DOP1A: variants seen among roughly 807,000 people sequenced by gnomAD.
The protein encoded by DOP1A is DOP1 leucine zipper like protein A.
Under a neutral mutation model 267.6 loss-of-function variants are expected in DOP1A, and 90 were observed. The ratio of observed to expected loss-of-function variants is 0.34; its 90% CI spans 0.28 to 0.40. The LOEUF (loss-of-function observed/expected upper bound fraction) is 0.40, where lower values mean the gene tolerates loss of function less well. Ranked by LOEUF, DOP1A falls within the 10% of genes least tolerant of loss-of-function variation. The probability of loss-of-function intolerance (pLI) is 1.00; values close to 1 mark genes in which losing one functional copy is unlikely to be tolerated. For synonymous variants in DOP1A, 932 were observed against 999.1 expected, an observed-to-expected ratio of 0.93 and a Z score of 1.27; for missense variants, 2,437 against 2,900.4, an observed-to-expected ratio of 0.84 and a Z score of 3.67.
intron 27 of DOP1A, among the ~76,000 whole-genome samples, chr6:83,150,838 ATACACAAATAATTAG>A (rs1305415368): frequency 1.3e-5 from 2 of 152,192 alleles, no homozygotes; most frequent in African/African-American, 4.8e-5. Flanking sequence ...ACATAGAAAA[ATACACAAATAATTAG>A]TACACAACTC....
chr6:83,130,620 A>G (rs1583042077), intron 17 of DOP1A, among the ~76,000 whole-genome samples: 1 of 152,184 alleles, frequency 6.6e-6, no homozygotes, highest in African/African-American at 2.4e-5. Flanking sequence ...AGGATAAAGG[A>G]GTAGGAATAT....
At chr6:83,097,820 G>C (rs747923597) in intron 3 of DOP1A, among the ~76,000 whole-genome samples, 1 of 151,388 alleles carries the variant, frequency 6.6e-6, no homozygotes, top group Non-Finnish European at 1.5e-5. Context: ...CATAGGAAAG[G>C]AGTGGCCTTC....
intron 20 of DOP1A, among the ~76,000 whole-genome samples, 153 bp downstream of exon 20, chr6:83,136,031 C>A (rs1778817711): frequency 6.6e-6 from 1 of 152,116 alleles, no homozygotes; most frequent in Non-Finnish European, 1.5e-5. Context: ...GCTGTGTGGA[C>A]CATGTCAGAA....
rs116107328 is a variant in DOP1A, at chr6:83,163,100, T to C, written c.7092+181T>C. ...ATATTTCCAGACATTAGAAAACATA[T>C]CGTATGTATTTTAAAGGAATATGCG... On this transcript the variant is annotated intron_variant, in intron 38 of 38. Coordinates refer to ENST00000349129, the MANE Select transcript of DOP1A (RefSeq NM_015018.4). Among the ~76,000 whole-genome samples, 704 of 152,222 alleles carry C rather than the reference T, an allele frequency of 4.6e-3. 6 individuals carry two copies. The highest frequency in any genetic ancestry group is 0.016 in the African/African-American group (650 of 41,532).
Position 83,148,662 on chromosome 6 carries a change from G to A in DOP1A, c.5733-97G>A, listed in dbSNP as rs1454923708. On this transcript the variant is annotated intron_variant, in intron 26 of 38. Transcript: ENST00000349129. ...AAAATGTAAAGTTTTTAGGAATTTT[G>A]TTCTATCATTGTCTATAAAAATTTA... 9.5e-6 allele frequency: 7 copies of A among 734,046 alleles called. No individual in the cohort carries two copies. The East Asian group carries it at 1.3e-4, about 14-fold the overall frequency. The allele number at this position is 734,046 out of a possible 1,614,324, so 45.5% of individuals were successfully genotyped here.
intron 23 of DOP1A, 81 bp from the exon 24 acceptor site, chr6:83,141,840 A>C: frequency 6.8e-7 from 1 of 1,462,990 alleles, no homozygotes; most frequent in Non-Finnish European, 9.2e-7. Context: ...ATTATTTCAA[A>C]GAAACCAAAA....
intron 38 of DOP1A, 170 bp from the exon 39 acceptor site, chr6:83,167,689 TGGC>T (rs1786110593): frequency 7.2e-7 from 1 of 1,381,876 alleles, no homozygotes; most frequent in African/African-American, 1.5e-5. Flanking sequence ...AACTAATAAA[TGGC>T]AGTAAAAGGT....
rs114304925 is a variant in DOP1A at position 83,067,795 on chromosome 6, C to G, written c.-147+16C>G. 6.6e-6 allele frequency: 1 copy of G among 152,456 alleles called. No homozygotes were observed. The highest frequency in any genetic ancestry group is 2.1e-4 in the South Asian group (1 of 4,832). The allele number at this position is 152,456 out of a possible 1,614,324, so 9.4% of individuals were successfully genotyped here. On this transcript the variant is annotated intron_variant, in intron 1 of 38. Transcript: ENST00000349129. Reference sequence around the variant, plus strand: ...CCAGCAGCAGGTAAAAGCGTCCCTGCCCCCAGTGCGGCCGCTAGGCTGGTA... The same window carrying G: ...CCAGCAGCAGGTAAAAGCGTCCCTGGCCCCAGTGCGGCCGCTAGGCTGGTA...
intron 4 of DOP1A, among the ~76,000 whole-genome samples, chr6:83,105,517 A>T (rs570436010): frequency 6.6e-6 from 1 of 151,898 alleles, no homozygotes; most frequent in Admixed American, 6.6e-5. Context: ...GGCACATGCT[A>T]CCATACCCAG....
chr6:83,119,846 T>A lies in DOP1A; in HGVS notation c.979T>A (p.Leu327Ile). 6.2e-7 allele frequency: 1 copy of A among 1,610,928 alleles called. No individual in the cohort carries two copies. Among genetic ancestry groups the A allele is most frequent in the Non-Finnish European group, 8.5e-7 (1 of 1,177,444 alleles). The part of the protein sequence containing the change: ...TYYFTTFSKE[L>I]LVQAMVGILQ... ...CTATTTCACTACCTTTTCAAAAGAATTATTAGTCCAGGTAATGAATACTTT... is the reference window on the plus strand; with the variant it reads ...CTATTTCACTACCTTTTCAAAAGAAATATTAGTCCAGGTAATGAATACTTT... Residue 327 changes from leucine (L) to isoleucine (I), a missense_variant, in exon 9 of 39, where the codon TTA becomes ATA. Around this residue, in one of 9 missense-constraint regions of DOP1A, gnomAD observed 498 missense variants for 513.5 expected, o/e 0.97. Coordinates refer to ENST00000349129, the MANE Select transcript of DOP1A (RefSeq NM_015018.4).
intron 1 of DOP1A, among the ~76,000 whole-genome samples, chr6:83,094,853 C>T (rs1434152843): frequency 6.6e-6 from 1 of 152,158 alleles, no homozygotes; most frequent in Admixed American, 6.5e-5. Flanking sequence ...TTATCCTTTG[C>T]AACACGAAAG....
At chr6:83,141,828 ATAT>A in intron 23 of DOP1A, 90 bp from the exon 24 acceptor site, 3 of 1,302,632 alleles carry the variant, frequency 2.3e-6, no homozygotes, top group Non-Finnish European at 3.1e-6. Flanking sequence ...TATAAGTACT[ATAT>A]TATTTCAAAG....
At chr6:83,105,352 CTTTCT>C (rs1773398844) in intron 4 of DOP1A, among the ~76,000 whole-genome samples, 2 of 77,854 alleles carry the variant, frequency 2.6e-5, no homozygotes, top group Non-Finnish European at 5.5e-5. Flanking sequence ...ACATGGATGT[CTTTCT>C]TTTTTTTTTT....
intron 31 of DOP1A, 105 bp downstream of exon 31, chr6:83,153,725 T>C: frequency 8.4e-7 from 1 of 1,189,316 alleles, no homozygotes. Flanking sequence ...ATGGCATTTT[T>C]ACCTTGAATT....
At chr6:83,075,672 A>T (rs539258406) in intron 1 of DOP1A, among the ~76,000 whole-genome samples, 33 of 152,346 alleles carry the variant, frequency 2.2e-4, no homozygotes, top group African/African-American at 7.7e-4. Flanking sequence ...TTGAATGGAG[A>T]GCCCCGAAAT....
chr6:83,103,971 G>A (rs944036417), intron 4 of DOP1A, among the ~76,000 whole-genome samples: 16 of 152,132 alleles, frequency 1.1e-4, no homozygotes, highest in African/African-American at 3.9e-4. Context: ...CTTTCTAAAT[G>A]GTATCTTTGA....
chr6:83,124,881 G>C, intron 13 of DOP1A, 62 bp downstream of exon 13: 8 of 1,330,010 alleles, frequency 6.0e-6, no homozygotes, highest in Non-Finnish European at 7.4e-6. Context: ...AATATTTCGT[G>C]TTGTAGGCAA....
intron 1 of DOP1A, among the ~76,000 whole-genome samples, chr6:83,077,437 G>A (rs184664745): frequency 6.6e-6 from 1 of 152,300 alleles, no homozygotes; most frequent in East Asian, 1.9e-4. Flanking sequence ...GGGAGGCCAG[G>A]GCAGGAGGAT....
intron 1 of DOP1A, among the ~76,000 whole-genome samples, chr6:83,084,067 A>T (rs1768630627): frequency 6.6e-6 from 1 of 152,132 alleles, no homozygotes; most frequent in Non-Finnish European, 1.5e-5. Context: ...GGGCTTTTAA[A>T]CCTCTTGTGT....
Sources: gnomAD v4.1 joint callset for allele counts (sites outside exome capture counted in the v4.1 genomes callset) on GRCh38, gnomAD v4.1.1 for gene constraint, gnomAD v4.1.1 regional missense constraint, MANE v1.5 for transcripts, NCBI Gene and HGNC (gene_info 2026-07-23, HGNC 2026-07-21) for gene names.